The following C16orf87 variants were observed in gnomAD, a reference collection of about 807,000 sequenced individuals.
C16orf87 encodes the protein HDAC and MIER1 interacting protein 1.
A neutral mutation model predicts 21.0 loss-of-function variants in C16orf87; 13 were observed. The ratio of observed to expected loss-of-function variants is 0.62; its 90% CI spans 0.40 to 0.98. The LOEUF (loss-of-function observed/expected upper bound fraction) is 0.98. Among genes scored for constraint, C16orf87 ranks in the 50% least tolerant of loss-of-function variants. The pLI is 0.00. For missense variants in C16orf87, 113 were observed against 180.4 expected (o/e 0.63, Z 2.14); for synonymous variants, 49 against 60.2 (o/e 0.81, Z 0.86).
intron 2 of C16orf87, among the ~76,000 whole-genome samples, chr16:46,813,937 T>C (rs866004612): frequency 1.3e-5 from 2 of 152,306 alleles, no homozygotes; most frequent in South Asian, 2.1e-4. Context: ...GCCTACCTTA[T>C]TTGCAGAACC....
chr16:46,823,088 AT>A (rs778791267), intron 2 of C16orf87, among the ~76,000 whole-genome samples: 1 of 152,298 alleles, frequency 6.6e-6, no homozygotes. Context: ...CCCTGATCTT[AT>A]CATGGCTAGC....
intron 1 of C16orf87, among the ~76,000 whole-genome samples, chr16:46,830,269 A>AGC (rs1959793008): frequency 6.7e-5 from 2 of 29,672 alleles, no homozygotes; most frequent in South Asian, 2.9e-3. Flanking sequence ...AGAGACAGAC[A>AGC]GAGAGAGAGA....
chr16:46,830,305 A>G (rs916579468), intron 1 of C16orf87, among the ~76,000 whole-genome samples: 2 of 148,524 alleles, frequency 1.3e-5, no homozygotes, highest in African/African-American at 5.0e-5. Context: ...AGAGAGAGAG[A>G]GAGACACACA....
chr16:46,830,909 C>G (rs1241540747), intron 1 of C16orf87, 175 bp downstream of exon 1: 1 of 404,934 alleles, frequency 2.5e-6, no homozygotes, highest in African/African-American at 2.1e-5. Flanking sequence ...CGGCCCCGGG[C>G]TTTTCCCGGG....
chr16:46,830,368 G>C (rs571910173), intron 1 of C16orf87, among the ~76,000 whole-genome samples: 1 of 151,512 alleles, frequency 6.6e-6, no homozygotes, highest in Non-Finnish European at 1.5e-5. Flanking sequence ...GGCCAAATTT[G>C]TAACAGTGGA....
In C16orf87 at chr16:46,801,976, T is replaced by G. The variant is rs185249120; in HGVS notation, c.*976A>C. On this transcript the variant is annotated 3_prime_UTR_variant, in exon 4 of 4. Coordinates refer to ENST00000285697, the MANE Select transcript of C16orf87 (RefSeq NM_001001436.4). Reference sequence around the variant, plus strand: ...CGATTATGACTTAACACTAGAAAAATTAAGAATTTAAATATATTTCACAAA... The same window carrying G: ...CGATTATGACTTAACACTAGAAAAAGTAAGAATTTAAATATATTTCACAAA... 9 of 152,202 alleles carry G rather than the reference T, an allele frequency of 5.9e-5. No individual in the cohort carries two copies. The highest frequency in any genetic ancestry group is 1.9e-4 in the East Asian group (1 of 5,188). 9.4% of individuals were successfully genotyped at this position (152,202 alleles called of 1,614,324 possible).
intron 2 of C16orf87, 40 bp from the exon 3 acceptor site, chr16:46,809,825 C>G: frequency 5.2e-6 from 7 of 1,346,796 alleles, no homozygotes; most frequent in Non-Finnish European, 7.2e-6. Flanking sequence ...TAGGGCTTAG[C>G]AAGAACTGTT....
intron 1 of C16orf87, among the ~76,000 whole-genome samples, chr16:46,829,519 A>G (rs898430028): frequency 2.0e-5 from 3 of 152,212 alleles, no homozygotes; most frequent in African/African-American, 7.2e-5. Context: ...TGCCTTACAG[A>G]AATTGGAATG....
At chr16:46,808,698 C>G (rs1967995162) in intron 3 of C16orf87, among the ~76,000 whole-genome samples, 1 of 152,086 alleles carries the variant, frequency 6.6e-6, no homozygotes, top group Non-Finnish European at 1.5e-5. Flanking sequence ...TTTCTCTACT[C>G]TTGCATATGT....
Position 46,831,160 on chromosome 16 carries a change from C to G in C16orf87, c.-11G>C, listed in dbSNP as rs200018464. 7.1e-6 allele frequency: 11 copies of G among 1,560,254 alleles called. No homozygotes were observed. In the East Asian group the frequency reaches 2.5e-4, roughly 36 times the overall value. On this transcript the variant is annotated 5_prime_UTR_variant, in exon 1 of 4. Coordinates refer to ENST00000285697, the MANE Select transcript of C16orf87 (RefSeq NM_001001436.4). ...TCGAGTTGCAGACATGCTCCTCTCC[C>G]TTAGCGGCGGCAGCAGCGACGGCTC...
At chr16:46,813,803 TG>T (rs1383802580) in intron 2 of C16orf87, among the ~76,000 whole-genome samples, 1 of 152,248 alleles carries the variant, frequency 6.6e-6, no homozygotes, top group Non-Finnish European at 1.5e-5. Context: ...TCACTTGCTC[TG>T]ATTCTCCCAG....
intron 1 of C16orf87, 85 bp from the exon 2 acceptor site, chr16:46,824,567 T>C: frequency 1.8e-6 from 1 of 541,716 alleles, no homozygotes; most frequent in Non-Finnish European, 3.2e-6. Flanking sequence ...CTCAAATGAA[T>C]GATAAATTAC....
intron 1 of C16orf87, among the ~76,000 whole-genome samples, chr16:46,827,643 C>T (rs914119924): frequency 2.0e-5 from 3 of 150,510 alleles, no homozygotes; most frequent in East Asian, 4.0e-4. Context: ...AGTGCAATGG[C>T]GCGATCTTGG....
chr16:46,805,489 A>G (rs1967905169), intron 3 of C16orf87, among the ~76,000 whole-genome samples: 1 of 152,170 alleles, frequency 6.6e-6, no homozygotes, highest in South Asian at 2.1e-4. Context: ...TGTTCATTTT[A>G]CAATTACAAT....
At chr16:46,830,307 A>AGTGAGAGT (rs1555479577) in intron 1 of C16orf87, among the ~76,000 whole-genome samples, 1 of 109,142 alleles carries the variant, frequency 9.2e-6, no homozygotes, top group Non-Finnish European at 1.8e-5. Context: ...AGAGAGAGAG[A>AGTGAGAGT]GACACACAGA....
intron 3 of C16orf87, among the ~76,000 whole-genome samples, chr16:46,808,743 A>C (rs944113568): frequency 2.0e-5 from 3 of 152,168 alleles, no homozygotes; most frequent in African/African-American, 4.8e-5. Flanking sequence ...AAGATGCATA[A>C]ATCAAAGAAA....
At chr16:46,824,091 A>T (rs1048443143) in intron 2 of C16orf87, among the ~76,000 whole-genome samples, 12 of 152,330 alleles carry the variant, frequency 7.9e-5, no homozygotes, top group East Asian at 3.9e-4. Context: ...CTATTTTTTT[A>T]AAAAGTTTTT....
At chr16:46,819,301 T>TC (rs895669077) in intron 2 of C16orf87, among the ~76,000 whole-genome samples, 40 of 152,194 alleles carry the variant, frequency 2.6e-4, no homozygotes, top group African/African-American at 9.4e-4. Context: ...CCCAGCCTGG[T>TC]CTCGAACTCT....
At chr16:46,803,603 T>C (rs935389109) in intron 3 of C16orf87, among the ~76,000 whole-genome samples, 2 of 152,202 alleles carry the variant, frequency 1.3e-5, no homozygotes, top group African/African-American at 4.8e-5. Flanking sequence ...TCTTGGTGTA[T>C]ATTCTTCCAA....
Sources: gnomAD v4.1 joint callset for allele counts (sites outside exome capture counted in the v4.1 genomes callset) on GRCh38, gnomAD v4.1.1 for gene constraint, MANE v1.5 for transcripts, NCBI Gene and HGNC (gene_info 2026-07-23, HGNC 2026-07-21) for gene names.